The following SAMD12 variants were observed in gnomAD, a reference collection of about 807,000 sequenced individuals.
The protein encoded by SAMD12 is sterile alpha motif domain-containing protein 12.
In SAMD12, 9 loss-of-function variants were observed where a neutral mutation model predicts 15.0. That is an observed-to-expected ratio of 0.60 (90% CI 0.36 to 1.05). The LOEUF (loss-of-function observed/expected upper bound fraction) is 1.05, where lower values mean the gene tolerates loss of function less well. Ranked by LOEUF, SAMD12 falls within the 50% of genes least tolerant of loss-of-function variation. SAMD12 has a pLI of 0.01. For synonymous variants in SAMD12, 86 were observed against 90.1 expected, an observed-to-expected ratio of 0.96 and a Z score of 0.25; for missense variants, 230 against 234.2, an observed-to-expected ratio of 0.98 and a Z score of 0.12.
intron 4 of SAMD12, among the ~76,000 whole-genome samples, chr8:118,307,238 G>T (rs1360288192): frequency 6.6e-6 from 1 of 152,206 alleles, no homozygotes; most frequent in Non-Finnish European, 1.5e-5. Flanking sequence ...ATTCAAGTGG[G>T]TGTCAATTAG....
intron 3 of SAMD12, among the ~76,000 whole-genome samples, chr8:118,420,351 T>A (rs1821941038): frequency 6.6e-6 from 1 of 152,142 alleles, no homozygotes; most frequent in Admixed American, 6.5e-5. Flanking sequence ...CCTAATAATC[T>A]GGGCCATGGA....
At chr8:118,452,024 G>T (rs774533293) in intron 2 of SAMD12, among the ~76,000 whole-genome samples, 3 of 151,960 alleles carry the variant, frequency 2.0e-5, no homozygotes, top group African/African-American at 4.8e-5. Context: ...ATTCATAAAG[G>T]GTAGTTCCCT....
At chr8:118,157,045 T>G in the SAMD12 span, among the ~76,000 whole-genome samples, 1 of 152,212 alleles carries the variant, frequency 6.6e-6, no homozygotes, top group Admixed American at 6.5e-5. Context: ...TGGGTTTTGT[T>G]GGATTTGAAG....
intron 4 of SAMD12, among the ~76,000 whole-genome samples, chr8:118,203,733 C>G (rs1447049365): frequency 8.2e-6 from 1 of 122,220 alleles, no homozygotes; most frequent in Non-Finnish European, 1.7e-5. Context: ...CCTCTCCCCT[C>G]CCCCCACCCC....
intron 4 of SAMD12, among the ~76,000 whole-genome samples, chr8:118,234,120 G>T (rs534314049): frequency 6.6e-6 from 1 of 152,276 alleles, no homozygotes; most frequent in Admixed American, 6.5e-5. Context: ...TGGCAAGGCA[G>T]AAATTAGGGG....
At chr8:118,469,509 A>ATAATATAAAATATTATTATATTTT (rs1554669373) in intron 2 of SAMD12, among the ~76,000 whole-genome samples, 1 of 720 alleles carries the variant, frequency 1.4e-3, no homozygotes, top group African/African-American at 3.0e-3. Flanking sequence ...ATTTTTATAT[A>ATAATATAAAATATTATTATATTTT]ATATATAATA....
chr8:118,269,220 CTGTGTGTGTGTGTGTGTGTG>C (rs71515963), intron 4 of SAMD12, among the ~76,000 whole-genome samples: 13 of 123,042 alleles, frequency 1.1e-4, no homozygotes, highest in East Asian at 4.9e-4. Context: ...CTCTCTCTCT[CTGTGTGTGTGTGTGTGTGTG>C]TGTGTGTGTG....
At chr8:118,621,573 C>A in intron 1 of SAMD12, 1 of 589,302 alleles carries the variant, frequency 1.7e-6, no homozygotes. Flanking sequence ...CTCCACACCT[C>A]CTACCTCAAA....
At chr8:118,404,134 C>T (rs1303602786) in intron 3 of SAMD12, among the ~76,000 whole-genome samples, 1 of 152,178 alleles carries the variant, frequency 6.6e-6, no homozygotes, top group African/African-American at 2.4e-5. Flanking sequence ...GGGCATGTGC[C>T]ACAATGCCCA....
At chr8:118,315,994 C>T (rs754443935) in intron 4 of SAMD12, among the ~76,000 whole-genome samples, 1 of 152,092 alleles carries the variant, frequency 6.6e-6, no homozygotes, top group East Asian at 1.9e-4. Context: ...GGAGAAGGGA[C>T]AAATTTCAAA....
chr8:118,380,943 G>A (rs1403892834), intron 3 of SAMD12, among the ~76,000 whole-genome samples: 2 of 152,212 alleles, frequency 1.3e-5, no homozygotes, highest in Admixed American at 1.3e-4. Flanking sequence ...TTAACTGCAA[G>A]TCTACCCATC....
intron 4 of SAMD12, among the ~76,000 whole-genome samples, chr8:118,344,060 C>T (rs1188237087): frequency 6.6e-6 from 1 of 152,172 alleles, no homozygotes; most frequent in Non-Finnish European, 1.5e-5. Context: ...TAGTGACTGC[C>T]AGGAAATGAA....
intron 3 of SAMD12, among the ~76,000 whole-genome samples, chr8:118,426,597 T>C (rs1416943261): frequency 6.6e-6 from 1 of 152,216 alleles, no homozygotes; most frequent in Non-Finnish European, 1.5e-5. Context: ...TTATGATTTA[T>C]GAAACAAATA....
intron 2 of SAMD12, among the ~76,000 whole-genome samples, chr8:118,554,685 A>G (rs1563581479): frequency 6.6e-6 from 1 of 152,046 alleles, no homozygotes; most frequent in Non-Finnish European, 1.5e-5. Context: ...ATAATAATAA[A>G]AAAGAACTAA....
intron 2 of SAMD12, among the ~76,000 whole-genome samples, chr8:118,499,492 G>A (rs1824716843): frequency 6.6e-6 from 1 of 152,192 alleles, no homozygotes; most frequent in Non-Finnish European, 1.5e-5. Flanking sequence ...ACCTCCTCAA[G>A]CCAAAGTTAC....
At chr8:118,543,678 A>T (rs1348746706) in intron 2 of SAMD12, among the ~76,000 whole-genome samples, 1 of 123,514 alleles carries the variant, frequency 8.1e-6, no homozygotes, top group Non-Finnish European at 1.7e-5. Flanking sequence ...GCATTAGTGT[A>T]TTTATGTGTG....
At position 118,566,838 on chromosome 8, in the gene SAMD12, G is replaced by C. The variant is rs373305409; in HGVS notation, c.192+13877C>G. ...TTTTTCAAGAGAAGTGAGAAATCTGGAGCTTTTAAAAGAAAAATGTCTGGG... is the reference window on the plus strand; with the variant it reads ...TTTTTCAAGAGAAGTGAGAAATCTGCAGCTTTTAAAAGAAAAATGTCTGGG... On this transcript the variant is annotated intron_variant, in intron 2 of 3. Transcript: ENST00000314727. Among the ~76,000 whole-genome samples the C allele has an allele frequency of 2.8e-4, 42 of 152,196 alleles. No homozygotes were observed. In the Middle Eastern group the frequency reaches 0.01, roughly 37 times the overall value.
intron 3 of SAMD12, among the ~76,000 whole-genome samples, chr8:118,430,732 G>C (rs542034438): frequency 1.3e-5 from 2 of 152,170 alleles, no homozygotes; most frequent in Admixed American, 1.3e-4. Context: ...ACTACTATAA[G>C]AGTCTTGACT....
intron 4 of SAMD12, among the ~76,000 whole-genome samples, chr8:118,329,578 A>G (rs1441723356): frequency 6.6e-6 from 1 of 152,066 alleles, no homozygotes; most frequent in Non-Finnish European, 1.5e-5. Flanking sequence ...ACTATGCTGT[A>G]CTTGTGTTCA....
Sources: gnomAD v4.1 joint callset for allele counts (sites outside exome capture counted in the v4.1 genomes callset) on GRCh38, gnomAD v4.1.1 for gene constraint, MANE v1.5 for transcripts, NCBI Gene and HGNC (gene_info 2026-07-23, HGNC 2026-07-21) for gene names.